Variants in RHOQ observed in about 807,000 individuals in gnomAD.
The protein encoded by RHOQ is rho-related GTP-binding protein RhoQ.
RHOQ carries 7 observed loss-of-function variants against 25.8 expected under a neutral mutation model. That is an observed-to-expected ratio of 0.27 (90% CI 0.15 to 0.51). The LOEUF (loss-of-function observed/expected upper bound fraction) is 0.51. Among genes scored for constraint, RHOQ ranks in the 20% least tolerant of loss-of-function variants. RHOQ has a pLI of 0.97. For synonymous variants in RHOQ, 97 were observed against 98.6 expected (o/e 0.98, Z 0.10); for missense variants, 165 against 260.6 (o/e 0.63, Z 2.53).
intron 2 of RHOQ, chr2:46,568,547 T>C (rs1668808262): frequency 6.6e-6 from 1 of 152,216 alleles, no homozygotes; most frequent in Non-Finnish European, 1.5e-5. Context: ...TGCAACAGGC[T>C]GTTTTCCCAC....
Position 46,543,491 on chromosome 2 carries a change from G to T in RHOQ, c.143-263G>T, listed in dbSNP as rs1572729899. On this transcript the variant is annotated intron_variant, in intron 1 of 4. Coordinates refer to ENST00000238738, the MANE Select transcript of RHOQ (RefSeq NM_012249.4). ...CCCTTTCCTACTGCCCCAAGGCCCC[G>T]GGGGAAATATTCGAGGGGACCGAGC... The T allele has an allele frequency of 1.1e-4, 65 of 598,600 alleles. No homozygotes were observed. In the East Asian group the frequency reaches 1.7e-3, roughly 16 times the overall value. The allele number at this position is 598,600 out of a possible 1,614,324, so 37.1% of individuals were successfully genotyped here.
At chr2:46,547,038 A>T (rs1668092338) in intron 2 of RHOQ, among the ~76,000 whole-genome samples, 1 of 152,212 alleles carries the variant, frequency 6.6e-6, no homozygotes. Flanking sequence ...CAGAGCCCGT[A>T]TCCCCATTGA....
rs1669434867 is a variant in RHOQ, at chr2:46,582,598, A to AT, written c.*1518dup. The AT allele has an allele frequency of 6.6e-6, 1 of 152,594 alleles. No individual in the cohort carries two copies. Among genetic ancestry groups the AT allele is most frequent in the Non-Finnish European group, 1.5e-5 (1 of 68,026 alleles). 9.5% of individuals were successfully genotyped at this position (152,594 alleles called of 1,614,324 possible). ...TCACATTTTTTCTAGCCTTTCCTAC[A>AT]TTTAAACTTGCTGTTGCCCAAATTA... On this transcript the variant is annotated 3_prime_UTR_variant, in exon 5 of 5. Coordinates refer to ENST00000238738, the MANE Select transcript of RHOQ (RefSeq NM_012249.4).
chr2:46,575,129 C>T (rs546040934), intron 2 of RHOQ, among the ~76,000 whole-genome samples: 2 of 152,234 alleles, frequency 1.3e-5, no homozygotes, highest in African/African-American at 2.4e-5. Flanking sequence ...TATAGCTGTT[C>T]TGGGGACTCT....
chr2:46,543,155 G>A lies in RHOQ; in HGVS notation c.109G>A (p.Glu37Lys), dbSNP rs771572069. The change falls in exon 1 of 5, where the codon GAG (glutamate) becomes AAG (lysine). Residue 37 changes from glutamate (E) to lysine (K), a missense_variant. Glu to Lys is a moderately conservative substitution (Grantham distance 56). Transcript: ENST00000238738. ...CTATGCCAACGACGCCTTCCCGGAG[G>A]AGTACGTGCCCACCGTCTTCGACCA... ...MSYANDAFPEEYVPTVFDHYA... is the reference protein window; with the variant it reads ...MSYANDAFPEKYVPTVFDHYA... 1.9e-6 allele frequency: 3 copies of A among 1,612,196 alleles called. No homozygotes were observed. The African/African-American group carries it at 4.0e-5, about 22-fold the overall frequency.
chr2:46,578,569 CAAAAAAAAAAAAAAAAAAA>C lies in RHOQ; in HGVS notation c.462+1932_462+1950del, dbSNP rs755333304. On this transcript the variant is annotated intron_variant, in intron 4 of 4. Coordinates refer to ENST00000238738, the MANE Select transcript of RHOQ (RefSeq NM_012249.4). ...CAACATGGTGAAACCCCATCTCTACCAAAAAAAAAAAAAAAAAAAAAAAAAAAAAAAAAAAAATTAGCTG... is the reference window on the plus strand; with the variant it reads ...CAACATGGTGAAACCCCATCTCTACCAAAAAAAAAAAAAAAAAATTAGCTG... Among the ~76,000 whole-genome samples the C allele has an allele frequency of 2.3e-3, 55 of 24,070 alleles. 1 individual carries two copies. Among genetic ancestry groups the C allele is most frequent in the African/African-American group, 6.2e-3 (44 of 7,052 alleles). The allele number at this position is 24,070 out of a possible 152,430, so 15.8% of individuals were successfully genotyped here.
chr2:46,577,460 C>T (rs1242095751), intron 4 of RHOQ, among the ~76,000 whole-genome samples: 1 of 138,472 alleles, frequency 7.2e-6, no homozygotes, highest in Non-Finnish European at 1.5e-5. Context: ...AGTGCAGTGA[C>T]GGGATCTCAG....
chr2:46,573,951 T>C (rs1669021200), intron 2 of RHOQ, among the ~76,000 whole-genome samples: 1 of 152,246 alleles, frequency 6.6e-6, no homozygotes, highest in South Asian at 2.1e-4. Flanking sequence ...TTTGTGTGTT[T>C]TGATTTTATT....
intron 2 of RHOQ, among the ~76,000 whole-genome samples, chr2:46,546,836 G>T (rs78180624): frequency 6.6e-6 from 1 of 152,160 alleles, no homozygotes; most frequent in African/African-American, 2.4e-5. Context: ...CAGAGTGGAA[G>T]AGAACAGTAT....
intron 2 of RHOQ, among the ~76,000 whole-genome samples, chr2:46,571,857 T>C (rs1303564385): frequency 6.6e-6 from 1 of 152,104 alleles, no homozygotes; most frequent in Non-Finnish European, 1.5e-5. Context: ...GACATACACA[T>C]CCCAAAAACA....
At chr2:46,559,360 T>G (rs561503682) in intron 2 of RHOQ, among the ~76,000 whole-genome samples, 20 of 152,346 alleles carry the variant, frequency 1.3e-4, no homozygotes, top group African/African-American at 4.8e-4. Flanking sequence ...GTGTTTCAAA[T>G]TTTTTGTCTC....
At chr2:46,543,843 C>T (rs1214403576) in intron 2 of RHOQ, 31 bp downstream of exon 2, 2 of 1,596,706 alleles carry the variant, frequency 1.3e-6, no homozygotes, top group Non-Finnish European at 1.7e-6. Context: ...CCGACGCCCC[C>T]CTCCTGTTCC....
rs534421906 is a variant in RHOQ, at chr2:46,549,828, G to A, written c.201+6016G>A. On this transcript the variant is annotated intron_variant, in intron 2 of 4. Transcript: ENST00000238738. Reference sequence around the variant, plus strand: ...TGCCCAGTGCCGGCCAGGACCTCCTGGATGCGTTCTTGCTCTCTTCAAGAA... The same window carrying A: ...TGCCCAGTGCCGGCCAGGACCTCCTAGATGCGTTCTTGCTCTCTTCAAGAA... Among the ~76,000 whole-genome samples, 12 of 152,240 alleles carry A rather than the reference G, an allele frequency of 7.9e-5. No homozygotes were observed. The South Asian group carries it at 2.3e-3, about 29-fold the overall frequency.
intron 2 of RHOQ, among the ~76,000 whole-genome samples, chr2:46,551,037 G>C (rs948298175): frequency 6.6e-6 from 1 of 152,186 alleles, no homozygotes; most frequent in African/African-American, 2.4e-5. Context: ...TAGAGTACTG[G>C]TTGCCAGTGT....
Position 46,576,923 on chromosome 2 carries a change from T to TG in RHOQ, c.462+270dup. On this transcript the variant is annotated intron_variant, in intron 4 of 4. Transcript: ENST00000238738. The surrounding 1 kb of genome is among the most constrained non-coding windows in gnomAD (Gnocchi z 5.1). Reference sequence around the variant, plus strand: ...GGGTTTCAGTCCAAAGCCTGACTCCTGGGCCGAGACTCTTACACCTTTGCT... The same window carrying TG: ...GGGTTTCAGTCCAAAGCCTGACTCCTGGGGCCGAGACTCTTACACCTTTGCT... The TG allele has an allele frequency of 3.3e-6, 1 of 301,212 alleles. No individual in the cohort carries two copies. The highest frequency in any genetic ancestry group is 6.1e-6 in the Non-Finnish European group (1 of 163,514). The allele number at this position is 301,212 out of a possible 1,614,324, so 18.7% of individuals were successfully genotyped here.
chr2:46,565,526 A>G (rs1668705764), intron 2 of RHOQ, among the ~76,000 whole-genome samples: 1 of 152,248 alleles, frequency 6.6e-6, no homozygotes, highest in Admixed American at 6.5e-5. Context: ...TTGGTGTGCC[A>G]CAGAAAAATG....
chr2:46,555,171 T>G lies in RHOQ; in HGVS notation c.201+11359T>G, dbSNP rs1379503866. Among the ~76,000 whole-genome samples the G allele has an allele frequency of 6.6e-6, 1 of 152,250 alleles. No individual in the cohort carries two copies. On this transcript the variant is annotated intron_variant, in intron 2 of 4. Coordinates refer to ENST00000238738, the MANE Select transcript of RHOQ (RefSeq NM_012249.4). The surrounding 1 kb of genome is among the most constrained non-coding windows in gnomAD (Gnocchi z 4.3). ...CACTGCAGAAAGTGAGAAGTCCAAC[T>G]GAGGCTGAGGCACCCCATGACCTCC...
At chr2:46,573,237 T>C (rs1266876102) in intron 2 of RHOQ, among the ~76,000 whole-genome samples, 4 of 152,110 alleles carry the variant, frequency 2.6e-5, no homozygotes, top group Non-Finnish European at 5.9e-5. Flanking sequence ...ATAATTTTTG[T>C]ATTTTTAGTA....
intron 2 of RHOQ, among the ~76,000 whole-genome samples, chr2:46,546,242 C>G (rs1349297048): frequency 6.6e-6 from 1 of 151,290 alleles, no homozygotes; most frequent in Non-Finnish European, 1.5e-5. Flanking sequence ...CTGATGTCAG[C>G]AAAGGGAGAA....
Sources: allele counts gnomAD v4.1 joint callset (sites outside exome capture counted in the v4.1 genomes callset), GRCh38; gene constraint gnomAD v4.1.1; non-coding constraint Gnocchi (gnomAD v3.1); transcripts MANE v1.5; gene names NCBI Gene and HGNC (gene_info 2026-07-23, HGNC 2026-07-21).